The following DOCK1 variants were observed in gnomAD, a reference collection of about 807,000 sequenced individuals.
The protein encoded by DOCK1 is dedicator of cytokinesis protein 1.
In DOCK1, 138 loss-of-function variants were observed where a neutral mutation model predicts 262.7. That is an observed-to-expected ratio of 0.53 (90% CI 0.46 to 0.61). DOCK1 has a LOEUF of 0.61. DOCK1 is among the 20% of genes least tolerant of loss of function. The pLI, the probability that DOCK1 is intolerant of heterozygous loss-of-function variation, is 0.00. For synonymous variants in DOCK1, 866 were observed against 867.4 expected (o/e 1.00, Z 0.03); for missense variants, 1,908 against 2,370.7 (o/e 0.80, Z 4.05).
intron 27 of DOCK1, among the ~76,000 whole-genome samples, chr10:127,134,684 G>T (rs1329984398): frequency 6.6e-6 from 1 of 152,134 alleles, no homozygotes; most frequent in Non-Finnish European, 1.5e-5. Flanking sequence ...GCTCTGGGCT[G>T]TGCATTGGGC....
intron 49 of DOCK1, among the ~76,000 whole-genome samples, chr10:127,440,734 G>A (rs553509918): frequency 6.6e-6 from 1 of 152,360 alleles, no homozygotes; most frequent in South Asian, 2.1e-4. Context: ...ACAGGCCAGC[G>A]CTGCTCTGCG....
At chr10:127,204,090 C>T (rs1321119053) in intron 27 of DOCK1, among the ~76,000 whole-genome samples, 4 of 152,044 alleles carry the variant, frequency 2.6e-5, no homozygotes, top group African/African-American at 9.7e-5. Flanking sequence ...GCACCTTCTC[C>T]CCCTTGCCTG....
chr10:127,150,380 C>CTGTCA (rs1554897140), intron 27 of DOCK1, among the ~76,000 whole-genome samples: 1 of 151,398 alleles, frequency 6.6e-6, no homozygotes, highest in Non-Finnish European at 1.5e-5. Flanking sequence ...GGGAAGTGAC[C>CTGTCA]CTGTGTATCA....
At chr10:127,400,987 A>G (rs1020599771) in intron 38 of DOCK1, among the ~76,000 whole-genome samples, 4 of 152,098 alleles carry the variant, frequency 2.6e-5, no homozygotes, top group South Asian at 2.1e-4. Context: ...AAAATATACA[A>G]CTTCACTATC....
At chr10:127,002,275 A>C (rs765185536) in intron 10 of DOCK1, among the ~76,000 whole-genome samples, 1 of 152,218 alleles carries the variant, frequency 6.6e-6, no homozygotes, top group African/African-American at 2.4e-5. Context: ...CAGCAGAGCT[A>C]CACATTCTCT....
At chr10:126,909,730 A>G (rs1260394199) in intron 1 of DOCK1, among the ~76,000 whole-genome samples, 1 of 152,094 alleles carries the variant, frequency 6.6e-6, no homozygotes, top group African/African-American at 2.4e-5. Context: ...AGTCGTGAGG[A>G]CTCGCTGAGA....
rs140310445 is a variant in DOCK1, at chr10:127,262,466, G to A, written c.3044+5037G>A. Among the ~76,000 whole-genome samples the A allele has an allele frequency of 2.2e-3, 341 of 152,286 alleles. 1 individual carries two copies. Among genetic ancestry groups the A allele is most frequent in the African/African-American group, 7.9e-3 (327 of 41,550 alleles). On this transcript the variant is annotated intron_variant, in intron 29 of 51. Transcript: ENST00000623213. ...GGAGGCATTTTAGGTCCTGATTGGA[G>A]TTGGTCACTGATAACTGTAACTTTT...
intron 27 of DOCK1, among the ~76,000 whole-genome samples, chr10:127,209,296 T>C (rs529209407): frequency 5.9e-5 from 9 of 152,328 alleles, no homozygotes; most frequent in African/African-American, 2.2e-4. Context: ...TGCAAGTGCA[T>C]GTGCCTATTT....
In DOCK1 at chr10:126,957,096, A is replaced by G. The variant is rs1387640512; in HGVS notation, c.47-13606A>G. ...GGGTCCTCTCCAGCAGCCTGTGCCA[A>G]CAGGCACTAGGCTTTATTGTTTTCC... On this transcript the variant is annotated intron_variant, in intron 1 of 51. Transcript: ENST00000623213. 4.6e-5 allele frequency among the ~76,000 whole-genome samples: 7 copies of G among 152,350 alleles called. No individual in the cohort carries two copies. The East Asian group carries it at 7.7e-4, about 17-fold the overall frequency.
chr10:126,996,535 ATTTT>A (rs10538924), intron 6 of DOCK1, among the ~76,000 whole-genome samples: 19 of 136,232 alleles, frequency 1.4e-4, no homozygotes, highest in East Asian at 8.3e-4. Context: ...AAAATTGAGG[ATTTT>A]TTTTTTTTTT....
chr10:127,439,864 G>A (rs550826296), intron 49 of DOCK1, among the ~76,000 whole-genome samples: 1 of 152,170 alleles, frequency 6.6e-6, no homozygotes, highest in African/African-American at 2.4e-5. Context: ...AGTCGTGGGC[G>A]TGTGAGGGCG....
rs761182932 is a variant in DOCK1, at chr10:126,998,166, C to T, written c.684C>T (p.Asn228=). The change falls in exon 8 of 52, where the codon AAC becomes AAT. Residue 228 remains asparagine (N), a synonymous_variant. Transcript: ENST00000623213. ...CCCCTTCTCTGGCCTTGTTTGTGAA[C>T]CTCAAAAATGTGGTTTGTAAAATAG... The part of the protein sequence containing the change: ...AATPSLALFV[N]LKNVVCKIGE... 6.2e-7 allele frequency: 1 copy of T among 1,613,988 alleles called. No homozygotes were observed. The highest frequency in any genetic ancestry group is 8.5e-7 in the Non-Finnish European group (1 of 1,179,886).
Position 127,188,450 on chromosome 10 carries a change from C to T in DOCK1, c.2848-59558C>T, listed in dbSNP as rs184534426. On this transcript the variant is annotated intron_variant, in intron 27 of 51. Transcript: ENST00000623213. ...AGAATTCTGTTCCCTTCTAGAAATT[C>T]CATGGCTTGGGGCAGCTCTTTTCAA... Among the ~76,000 whole-genome samples the T allele has an allele frequency of 2.3e-3, 351 of 152,288 alleles. 1 individual carries two copies. The highest frequency in any genetic ancestry group is 4.0e-3 in the Non-Finnish European group (273 of 68,026).
intron 29 of DOCK1, among the ~76,000 whole-genome samples, chr10:127,316,861 T>C (rs562407659): frequency 6.6e-6 from 1 of 152,072 alleles, no homozygotes; most frequent in East Asian, 1.9e-4. Context: ...GTGGGTGGGC[T>C]TGAACATTGC....
chr10:127,259,897 G>T (rs759194373), intron 29 of DOCK1, among the ~76,000 whole-genome samples: 1 of 151,154 alleles, frequency 6.6e-6, no homozygotes, highest in Non-Finnish European at 1.5e-5. Context: ...CCAACCCTGC[G>T]CTACGTAAGG....
At chr10:127,128,288 C>T (rs2050093278) in intron 27 of DOCK1, among the ~76,000 whole-genome samples, 1 of 151,408 alleles carries the variant, frequency 6.6e-6, no homozygotes, top group African/African-American at 2.4e-5. Context: ...ACCCCCTTAC[C>T]TTAAGTCTGT....
chr10:127,000,330 C>G, intron 10 of DOCK1, 23 bp downstream of exon 10: 1 of 1,610,718 alleles, frequency 6.2e-7, no homozygotes, highest in Non-Finnish European at 8.5e-7. Flanking sequence ...TCTGTGTTTC[C>G]TTGAGAGTTT....
intron 29 of DOCK1, among the ~76,000 whole-genome samples, chr10:127,268,143 C>A (rs2060432823): frequency 1.3e-5 from 2 of 152,158 alleles, no homozygotes; most frequent in African/African-American, 4.8e-5. Context: ...AGAGTCATTT[C>A]ATCCATAATG....
At position 127,451,516 on chromosome 10, in the gene DOCK1, A is replaced by C. The variant is rs1287445292; in HGVS notation, c.*89A>C. ...GTCCCCTGAGTCTGCTGTTTACCTC[A>C]TTGGGCCTGTGATGTTAACATTTCG... On this transcript the variant is annotated 3_prime_UTR_variant, in exon 52 of 52. Transcript: ENST00000623213. 1.1e-5 allele frequency: 17 copies of C among 1,538,438 alleles called. No homozygotes were observed. The highest frequency in any genetic ancestry group is 1.5e-5 in the Non-Finnish European group (17 of 1,143,276).
Sources: gnomAD v4.1 joint callset for allele counts (sites outside exome capture counted in the v4.1 genomes callset) on GRCh38, gnomAD v4.1.1 for gene constraint, MANE v1.5 for transcripts, NCBI Gene and HGNC (gene_info 2026-07-23, HGNC 2026-07-21) for gene names.